Variants in GAS2L1 observed in about 807,000 individuals in gnomAD.
GAS2L1 encodes the protein GAS2-like protein 1.
Under a neutral mutation model 44.0 loss-of-function variants are expected in GAS2L1, and 26 were observed. That is an observed-to-expected ratio of 0.59 (90% CI 0.43 to 0.82). The LOEUF is 0.82. Ranked by LOEUF, GAS2L1 falls within the 40% of genes least tolerant of loss-of-function variation. The pLI, the probability that GAS2L1 is intolerant of heterozygous loss-of-function variation, is 0.00. For synonymous variants in GAS2L1, 426 were observed against 415.9 expected, an observed-to-expected ratio of 1.02 and a Z score of -0.30; for missense variants, 1,006 against 983.0, an observed-to-expected ratio of 1.02 and a Z score of -0.31.
At chr22:29,310,485 T>C (rs1306303372) in exon 2 of GAS2L1, 4 of 1,612,650 alleles carry the variant, frequency 2.5e-6, no homozygotes, top group Non-Finnish European at 3.4e-6. Flanking sequence ...CAGTTTCCCA[T>C]GATCAAGGTC....
At chr22:29,312,235 G>A in exon 5 of GAS2L1, 1 of 1,612,976 alleles carries the variant, frequency 6.2e-7, no homozygotes, top group South Asian at 1.1e-5. Context: ...GGGCCCCGAA[G>A]CCAAGCCCTT....
At chr22:29,308,961 C>T (rs1477415789) in intron 1 of GAS2L1, among the ~76,000 whole-genome samples, 1 of 152,234 alleles carries the variant, frequency 6.6e-6, no homozygotes, top group African/African-American at 2.4e-5. Flanking sequence ...CCAGCCGGGC[C>T]TGGGACAGGA....
chr22:29,309,351 C>G (rs1244761869), intron 1 of GAS2L1, among the ~76,000 whole-genome samples: 2 of 152,342 alleles, frequency 1.3e-5, no homozygotes, highest in East Asian at 3.9e-4. Flanking sequence ...TTGCTGGGCC[C>G]TGCCCCCAAG....
chr22:29,309,158 C>T (rs756276210), intron 1 of GAS2L1, among the ~76,000 whole-genome samples: 3 of 152,186 alleles, frequency 2.0e-5, no homozygotes, highest in African/African-American at 7.2e-5. Context: ...CTGTGATGCT[C>T]GGTTGAGACG....
At chr22:29,309,258 G>GA (rs2061380373) in intron 1 of GAS2L1, among the ~76,000 whole-genome samples, 1 of 152,176 alleles carries the variant, frequency 6.6e-6, no homozygotes, top group Non-Finnish European at 1.5e-5. Context: ...GCACCCCTGG[G>GA]AAGCCTAGCT....
rs2061416126 is a variant in GAS2L1 at position 29,312,124 on chromosome 22, CT to C, written c.1674del (p.Ala559ProfsTer57). On this transcript the variant is annotated frameshift_variant, in exon 5 of 5. Transcript: ENST00000618518. LOFTEE classifies it high-confidence loss of function. ...GCCCCCGACCCTCCAGCTCCTGACT[CT>C]GCCTATTGTTCCTCCAGTTCCTCCT... 6.2e-7 allele frequency: 1 copy of C among 1,612,772 alleles called. No homozygotes were observed. Among genetic ancestry groups the C allele is most frequent in the African/African-American group, 1.3e-5 (1 of 74,946 alleles).
At chr22:29,308,582 G>C in exon 1 of GAS2L1, 1 of 1,599,904 alleles carries the variant, frequency 6.3e-7, no homozygotes, top group Non-Finnish European at 8.5e-7. Flanking sequence ...GCCTCGTGCA[G>C]TTTGAGCAGG....
exon 4 of GAS2L1, chr22:29,310,874 G>T (rs1287202525): frequency 6.2e-7 from 1 of 1,612,968 alleles, no homozygotes; most frequent in Non-Finnish European, 8.5e-7. Context: ...TCCACAGAGG[G>T]TGTCGCCCAC....
intron 4 of GAS2L1, 101 bp downstream of exon 5, chr22:29,311,099 C>A: frequency 8.4e-7 from 1 of 1,192,522 alleles, no homozygotes; most frequent in Non-Finnish European, 1.2e-6. Context: ...GACTCACACC[C>A]TGGGAAAAGT....
exon 3 of GAS2L1, chr22:29,310,676 C>T (rs1340075236): frequency 6.2e-7 from 1 of 1,606,776 alleles, no homozygotes; most frequent in South Asian, 1.1e-5. Flanking sequence ...TGGGTGGTGG[C>T]TGGGACACGC....
chr22:29,312,396 ACGCCTCGGGGCCCC>A lies in GAS2L1; in HGVS notation c.1950_1963del (p.Arg651ProfsTer21). ...AGACCGTAAACCCTCACGTATCCCC[ACGCCTCGGGGCCCC>A]CGCCGCCCCTCCGGACCCGCAGAGC... On this transcript the variant is annotated frameshift_variant, in exon 5 of 5. Coordinates refer to ENST00000618518, the Ensembl canonical transcript of GAS2L1. LOFTEE classifies it high-confidence loss of function. 6.3e-7 allele frequency: 1 copy of A among 1,581,792 alleles called. No homozygotes were observed. Among genetic ancestry groups the A allele is most frequent in the Non-Finnish European group, 8.6e-7 (1 of 1,160,090 alleles).
chr22:29,308,039 C>T (rs1296355541), exon 1 of GAS2L1: 8 of 1,360,340 alleles, frequency 5.9e-6, no homozygotes, highest in Middle Eastern at 2.6e-4. Flanking sequence ...TTGTACTGAG[C>T]GCTTACTGGG....
exon 5 of GAS2L1, chr22:29,312,541 C>G (rs755140050): frequency 2.2e-5 from 30 of 1,388,786 alleles, no homozygotes; most frequent in Middle Eastern, 3.7e-4. Flanking sequence ...TTCTCCTTTT[C>G]CTTTGTGGCC....
Position 29,309,620 on chromosome 22 carries a change from C to T in GAS2L1, c.634-819C>T, listed in dbSNP as rs143495388. On this transcript the variant is annotated intron_variant, in intron 1 of 4. Transcript: ENST00000618518. Reference sequence around the variant, plus strand: ...GCTGCCCACATAGCCAGCTTGGCAGCGCTCTGGCTCTGGTGGGGGGCTGTA... The same window carrying T: ...GCTGCCCACATAGCCAGCTTGGCAGTGCTCTGGCTCTGGTGGGGGGCTGTA... 7.6e-3 allele frequency among the ~76,000 whole-genome samples: 1,156 copies of T among 152,338 alleles called. 18 individuals are homozygous for T. Among genetic ancestry groups the T allele is most frequent in the African/African-American group, 0.026 (1,100 of 41,584 alleles).
chr22:29,308,356 G>C, exon 1 of GAS2L1: 1 of 1,605,438 alleles, frequency 6.2e-7, no homozygotes, highest in Non-Finnish European at 8.5e-7. Flanking sequence ...CCGGCCCGAG[G>C]TGTGGCCTTC....
chr22:29,307,859 T>C, exon 1 of GAS2L1: 1 of 375,902 alleles, frequency 2.7e-6, no homozygotes, highest in African/African-American at 2.1e-5. Flanking sequence ...AAACACTTAA[T>C]GGACCCTAAA....
chr22:29,311,389 T>A, intron 4 of GAS2L1, 73 bp from the exon 6 acceptor site: 3 of 648,656 alleles, frequency 4.6e-6, no homozygotes, highest in Non-Finnish European at 7.9e-6. Context: ...ACCCTGCTGT[T>A]CCTCTCCCTG....
exon 5 of GAS2L1, chr22:29,312,388 G>A (rs149600937): frequency 2.5e-6 from 4 of 1,591,538 alleles, no homozygotes; most frequent in East Asian, 4.5e-5. Context: ...AAACCCTCAC[G>A]TATCCCCACG....
exon 5 of GAS2L1, chr22:29,312,562 T>C (rs1445321784): frequency 8.0e-7 from 1 of 1,243,762 alleles, no homozygotes. Flanking sequence ...TTAACCCTTC[T>C]GCATCAGGGA....
Sources: gnomAD v4.1 joint callset for allele counts (sites outside exome capture counted in the v4.1 genomes callset) on GRCh38, gnomAD v4.1.1 for gene constraint, MANE v1.5 for transcripts, NCBI Gene and HGNC (gene_info 2026-07-23, HGNC 2026-07-21) for gene names.